The following PCSK5 variants were observed in gnomAD, a reference collection of about 807,000 sequenced individuals.
The protein encoded by PCSK5 is prohormone convertase 5.
In PCSK5, 129 loss-of-function variants were observed where a neutral mutation model predicts 233.2. That is an observed-to-expected ratio of 0.55 (90% confidence interval 0.48 to 0.64). The LOEUF (loss-of-function observed/expected upper bound fraction) is 0.64. Among genes scored for constraint, PCSK5 ranks in the 30% least tolerant of loss-of-function variants. PCSK5 has a pLI of 0.00. For missense variants in PCSK5, 2,076 were observed against 2,430.1 expected (o/e 0.85, Z 3.06); for synonymous variants, 825 against 879.2 (o/e 0.94, Z 1.09).
rs1317594051 is a variant in PCSK5 at position 76,122,044 on chromosome 9, C to T, written c.1209-12065C>T. On this transcript the variant is annotated intron_variant, in intron 9 of 37. Transcript: ENST00000674117. ...TTCACCGTTTTAGCCGGGATGGTCTCGATCTCCTGACCTCGTGATCCGCCC... is the reference window on the plus strand; with the variant it reads ...TTCACCGTTTTAGCCGGGATGGTCTTGATCTCCTGACCTCGTGATCCGCCC... Among the ~76,000 whole-genome samples, 2 of 45,404 alleles carry T rather than the reference C, an allele frequency of 4.4e-5. 1 individual carries two copies. The highest frequency in any genetic ancestry group is 1.2e-4 in the African/African-American group (2 of 16,892). The allele number at this position is 45,404 out of a possible 152,430, so 29.8% of individuals were successfully genotyped here. A position where few individuals can be genotyped will look rare whatever the true frequency, so the allele number is the denominator to read the frequency against.
intron 5 of PCSK5, among the ~76,000 whole-genome samples, chr9:76,065,961 T>G (rs1014207764): frequency 6.6e-5 from 10 of 152,208 alleles, no homozygotes; most frequent in Non-Finnish European, 1.2e-4. Flanking sequence ...GTTGGCTGTA[T>G]ATGCATAGAT....
At chr9:75,958,253 C>G (rs1825181577) in intron 2 of PCSK5, among the ~76,000 whole-genome samples, 1 of 152,192 alleles carries the variant, frequency 6.6e-6, no homozygotes, top group Non-Finnish European at 1.5e-5. Flanking sequence ...TGAGAACAAT[C>G]CCCTGTAACA....
intron 1 of PCSK5, among the ~76,000 whole-genome samples, chr9:75,911,690 A>G (rs561395408): frequency 1.2e-4 from 18 of 152,180 alleles, no homozygotes; most frequent in African/African-American, 4.3e-4. Context: ...GGCTTCACTC[A>G]CATATCTGGT....
rs116199398 is a variant in PCSK5 at position 76,351,799 on chromosome 9, G to A, written c.5067+871G>A. Among the ~76,000 whole-genome samples, 512 of 151,374 alleles carry A rather than the reference G, an allele frequency of 3.4e-3. 5 individuals carry two copies. The highest frequency in any genetic ancestry group is 0.012 in the African/African-American group (492 of 41,238). On this transcript the variant is annotated intron_variant, in intron 36 of 37. Coordinates refer to ENST00000674117, the MANE Select transcript of PCSK5 (RefSeq NM_001372043.1). Reference sequence around the variant, plus strand: ...GTCACCCAGGCTGGAGTGCAGTGGCGCAATTACAGCTCATTGCAGCTTTGA... The same window carrying A: ...GTCACCCAGGCTGGAGTGCAGTGGCACAATTACAGCTCATTGCAGCTTTGA...
intron 25 of PCSK5, among the ~76,000 whole-genome samples, chr9:76,294,210 AAC>A (rs975972025): frequency 6.6e-6 from 1 of 151,164 alleles, no homozygotes; most frequent in African/African-American, 2.5e-5. Context: ...AAAAAAAAAA[AAC>A]AGTTGTTAAG....
At chr9:76,354,611 C>T (rs578256963) in intron 37 of PCSK5, among the ~76,000 whole-genome samples, 1 of 152,186 alleles carries the variant, frequency 6.6e-6, no homozygotes, top group South Asian at 2.1e-4. Context: ...AAATCCCTCT[C>T]TACTAAAAAT....
At chr9:76,139,390 G>C (rs1823109435) in intron 10 of PCSK5, among the ~76,000 whole-genome samples, 1 of 151,956 alleles carries the variant, frequency 6.6e-6, no homozygotes. Context: ...ATACACTGTT[G>C]GTAGCTATGA....
rs560179246 is a variant in PCSK5, at chr9:76,358,869, G to A, written c.5611G>A (p.Asp1871Asn). The A allele has an allele frequency of 8.4e-5, 136 of 1,612,828 alleles. No homozygotes were observed. The Admixed American group carries it at 2.0e-3, about 24-fold the overall frequency. Residue 1871 changes from aspartate (D) to asparagine (N), a missense_variant, in exon 38 of 38, where the codon GAT (aspartate) becomes AAT (asparagine). Coordinates refer to ENST00000674117, the MANE Select transcript of PCSK5 (RefSeq NM_001372043.1). ...ATTTAAATATGGGCTGCTGGATGAC[G>A]ATGACATAGATGAGCTGGAATATGA... Reference protein sequence around the residue: ...RKFKYGLLDDDDIDELEYDDE... With the variant: ...RKFKYGLLDDNDIDELEYDDE...
chr9:76,230,342 T>C (rs199851849), intron 21 of PCSK5, among the ~76,000 whole-genome samples: 1 of 152,354 alleles, frequency 6.6e-6, no homozygotes, highest in Admixed American at 6.5e-5. Flanking sequence ...CATAATTATG[T>C]GATTGATATG....
At position 76,301,258 on chromosome 9, in the gene PCSK5, C is replaced by T. The variant is rs1316584847; in HGVS notation, c.3524-879C>T. 3.7e-4 allele frequency among the ~76,000 whole-genome samples: 52 copies of T among 141,018 alleles called. 1 individual carries two copies. Among genetic ancestry groups the T allele is most frequent in the Middle Eastern group, 3.5e-3 (1 of 286 alleles). 92.5% of individuals were successfully genotyped at this position (141,018 alleles called of 152,430 possible). On this transcript the variant is annotated intron_variant, in intron 27 of 37. Coordinates refer to ENST00000674117, the MANE Select transcript of PCSK5 (RefSeq NM_001372043.1). ...CTGCACTCCAGCCTGGGCAACAGAG[C>T]GCGACTCTCTCAAAAAAAAAAAAAA... is the stretch of plus-strand genomic sequence containing the variant.
intron 36 of PCSK5, among the ~76,000 whole-genome samples, chr9:76,353,361 C>G (rs151312977): frequency 6.6e-6 from 1 of 152,338 alleles, no homozygotes; most frequent in Non-Finnish European, 1.5e-5. Flanking sequence ...TACACAGCCA[C>G]AACCTATATT....
At chr9:76,068,083 G>T (rs1313958388) in intron 6 of PCSK5, 40 bp downstream of exon 6, 2 of 1,424,692 alleles carry the variant, frequency 1.4e-6, no homozygotes, top group African/African-American at 1.4e-5. Context: ...AAATGCGCCA[G>T]TTAGCTCTTT....
chr9:75,933,913 C>CA lies in PCSK5; in HGVS notation c.297+1434dup, dbSNP rs753931667. 2.3e-4 allele frequency among the ~76,000 whole-genome samples: 35 copies of CA among 152,248 alleles called. 1 individual carries two copies. Among genetic ancestry groups the CA allele is most frequent in the Middle Eastern group, 6.8e-3 (2 of 294 alleles). ...CGACGCTAATTTCAGACCTCATGTA[C>CA]AAAATCAATGTGAATTTGAAAAACC... On this transcript the variant is annotated intron_variant, in intron 2 of 37. Coordinates refer to ENST00000674117, the MANE Select transcript of PCSK5 (RefSeq NM_001372043.1).
intron 24 of PCSK5, among the ~76,000 whole-genome samples, chr9:76,268,563 G>C (rs555566489): frequency 4.6e-5 from 7 of 152,338 alleles, no homozygotes; most frequent in African/African-American, 1.7e-4. Context: ...ACTAGAAGCG[G>C]CTGGGTGCAG....
At position 76,295,790 on chromosome 9, in the gene PCSK5, G is replaced by T. The variant is rs145829551; in HGVS notation, c.3322+379G>T. 5.0e-3 allele frequency among the ~76,000 whole-genome samples: 761 copies of T among 152,292 alleles called. 5 individuals carry two copies. Among genetic ancestry groups the T allele is most frequent in the Admixed American group, 0.011 (168 of 15,296 alleles). On this transcript the variant is annotated intron_variant, in intron 26 of 37. Coordinates refer to ENST00000674117, the MANE Select transcript of PCSK5 (RefSeq NM_001372043.1). The stretch of plus-strand genomic sequence containing the variant: ...TCTTATATATCCCCATGCACTGTAA[G>T]AATCTAACAAGATCCCTTGCCTTAG...
rs569267250 is a variant in PCSK5 at position 75,960,572 on chromosome 9, G to A, written c.298-25560G>A. ...TGAAGAACAAAAGGAAATTTAAGACGCCAAAGATTGTAAATTAAATCTTAT... is the reference window on the plus strand; with the variant it reads ...TGAAGAACAAAAGGAAATTTAAGACACCAAAGATTGTAAATTAAATCTTAT... On this transcript the variant is annotated intron_variant, in intron 2 of 37. Transcript: ENST00000674117. 5.9e-5 allele frequency among the ~76,000 whole-genome samples: 9 copies of A among 152,258 alleles called. No individual in the cohort carries two copies. The East Asian group carries it at 1.3e-3, about 23-fold the overall frequency.
At chr9:76,260,669 C>A (rs1040723979) in intron 24 of PCSK5, among the ~76,000 whole-genome samples, 1 of 152,214 alleles carries the variant, frequency 6.6e-6, no homozygotes, top group Non-Finnish European at 1.5e-5. Flanking sequence ...GAAACAGATC[C>A]TTTCCCAGAG....
chr9:76,234,590 A>G (rs1826193510), intron 22 of PCSK5, among the ~76,000 whole-genome samples: 1 of 152,216 alleles, frequency 6.6e-6, no homozygotes, highest in African/African-American at 2.4e-5. Flanking sequence ...TTTGTGTTTC[A>G]TGTGTCAAAA....
chr9:76,324,946 C>T (rs1015372913), intron 32 of PCSK5, among the ~76,000 whole-genome samples: 1 of 152,012 alleles, frequency 6.6e-6, no homozygotes, highest in Admixed American at 6.6e-5. Context: ...CCTGGGACAC[C>T]CACACCCTAG....
Sources: allele counts gnomAD v4.1 joint callset (sites outside exome capture counted in the v4.1 genomes callset), GRCh38; gene constraint gnomAD v4.1.1; transcripts MANE v1.5; gene names NCBI Gene and HGNC (gene_info 2026-07-23, HGNC 2026-07-21).